The following PCDHGB3 variants were observed in gnomAD, a reference collection of about 807,000 sequenced individuals.
The protein encoded by PCDHGB3 is protocadherin gamma-B3.
A neutral mutation model predicts 59.2 loss-of-function variants in PCDHGB3; 40 were observed. That is an observed-to-expected ratio of 0.68 (90% CI 0.52 to 0.88). The LOEUF is 0.88. Among genes scored for constraint, PCDHGB3 ranks in the 40% least tolerant of loss-of-function variants. The pLI is 0.00. For synonymous variants in PCDHGB3, 581 were observed against 503.6 expected, an observed-to-expected ratio of 1.15 and a Z score of -2.06; for missense variants, 1,309 against 1,187.9, an observed-to-expected ratio of 1.10 and a Z score of -1.50.
intron 1 of PCDHGB3, chr5:141,388,297 T>C (rs2091308790): frequency 1.9e-6 from 3 of 1,613,660 alleles, no homozygotes; most frequent in African/African-American, 2.7e-5. Flanking sequence ...CAAAATTCCT[T>C]TGAGCTGCAA....
chr5:141,487,031 G>A lies in PCDHGB3; in HGVS notation c.2416-7776G>A, dbSNP rs749130369. 1.2e-6 allele frequency: 2 copies of A among 1,614,182 alleles called. No homozygotes were observed. Among genetic ancestry groups the A allele is most frequent in the Non-Finnish European group, 1.7e-6 (2 of 1,180,028 alleles). On this transcript the variant is annotated intron_variant, in intron 1 of 3. Coordinates refer to ENST00000576222, the MANE Select transcript of PCDHGB3 (RefSeq NM_018924.5). The surrounding 1 kb of genome is among the most constrained non-coding windows in gnomAD (Gnocchi z 5.0). ...GGAGGCCCCAGATCCCAGCCTGTTT[G>A]CAGTCTCTCGATATGCTGGGGAGGT...
chr5:141,476,801 C>A lies in PCDHGB3; in HGVS notation c.2416-18006C>A, dbSNP rs752954707. The A allele has an allele frequency of 5.8e-5, 94 of 1,613,468 alleles. No homozygotes were observed. The highest frequency in any genetic ancestry group is 7.9e-5 in the Non-Finnish European group (93 of 1,180,028). The stretch of plus-strand genomic sequence containing the variant: ...GACCCCAGCTCTCTCCGCCAGCCTG[C>A]CTATTCACATCAAGGTGCTGGACGC... On this transcript the variant is annotated intron_variant, in intron 1 of 3. Transcript: ENST00000576222. This position sits in a 1 kb window ranked among gnomAD's most constrained non-coding sequence, Gnocchi z 7.6.
chr5:141,419,894 C>T (rs1590201850), intron 1 of PCDHGB3: 2 of 1,613,926 alleles, frequency 1.2e-6, no homozygotes, highest in East Asian at 2.2e-5. Flanking sequence ...CAGCGACCAT[C>T]CCACACCCTC....
At chr5:141,422,470 T>G in intron 1 of PCDHGB3, 1 of 1,613,440 alleles carries the variant, frequency 6.2e-7, no homozygotes, top group South Asian at 1.1e-5. Flanking sequence ...GGACAGGGAG[T>G]TGGTCCAGAG....
intron 1 of PCDHGB3, among the ~76,000 whole-genome samples, chr5:141,429,602 C>T (rs548994907): frequency 1.1e-4 from 16 of 152,218 alleles, no homozygotes; most frequent in African/African-American, 3.6e-4. Flanking sequence ...TTCAAGTAAA[C>T]TCAATTTTAT....
rs978480877 is a variant in PCDHGB3, at chr5:141,417,841, G to A, written c.2415+45032G>A. ...CTCCAACTGGAAAAGCGGGGACCCAGCGAGAACCCGAGCGAACGATGGGAG... is the reference window on the plus strand; with the variant it reads ...CTCCAACTGGAAAAGCGGGGACCCAACGAGAACCCGAGCGAACGATGGGAG... On this transcript the variant is annotated intron_variant, in intron 1 of 3. Coordinates refer to ENST00000576222, the MANE Select transcript of PCDHGB3 (RefSeq NM_018924.5). 1.4e-5 allele frequency: 21 copies of A among 1,537,848 alleles called. No homozygotes were observed. In the African/African-American group the frequency reaches 2.6e-4, roughly 19 times the overall value.
At chr5:141,441,984 A>G (rs1202392318) in intron 1 of PCDHGB3, 4 of 275,400 alleles carry the variant, frequency 1.5e-5, no homozygotes, top group South Asian at 7.2e-5. Flanking sequence ...TGGAATGCGC[A>G]CCGACGAGGT....
chr5:141,449,588 C>CAAA (rs768743917), intron 1 of PCDHGB3, among the ~76,000 whole-genome samples: 1 of 57,476 alleles, frequency 1.7e-5, no homozygotes, highest in East Asian at 5.2e-4. Context: ...GACTCTGTCT[C>CAAA]AAAAAAAAAA....
intron 1 of PCDHGB3, chr5:141,415,791 CCTAGTCTCAA>C: frequency 2.2e-6 from 3 of 1,341,938 alleles, no homozygotes; most frequent in Non-Finnish European, 1.9e-6. Flanking sequence ...GTAAAATTCA[CCTAGTCTCAA>C]TCAAGGCCTA....
At chr5:141,426,764 T>C (rs1285434687) in intron 1 of PCDHGB3, 5 of 456,638 alleles carry the variant, frequency 1.1e-5, no homozygotes, top group Non-Finnish European at 2.2e-5. Flanking sequence ...TAGATGCAGA[T>C]GTAGGGCCTC....
At chr5:141,473,450 T>A (rs2099322542) in intron 1 of PCDHGB3, among the ~76,000 whole-genome samples, 2 of 152,150 alleles carry the variant, frequency 1.3e-5, no homozygotes, top group South Asian at 4.1e-4. Flanking sequence ...AAAATAATTA[T>A]AAAATTTAAA....
At chr5:141,459,137 G>C (rs1336232891) in intron 1 of PCDHGB3, among the ~76,000 whole-genome samples, 1 of 152,190 alleles carries the variant, frequency 6.6e-6, no homozygotes, top group Non-Finnish European at 1.5e-5. Context: ...TAACCACCAT[G>C]CAATCAAAAT....
intron 1 of PCDHGB3, chr5:141,478,117 C>G (rs1419172538): frequency 1.3e-5 from 21 of 1,614,058 alleles, no homozygotes; most frequent in Non-Finnish European, 1.7e-5. Context: ...TGTCAGTAAC[C>G]GAGGACTCTC....
intron 1 of PCDHGB3, among the ~76,000 whole-genome samples, chr5:141,445,720 G>T (rs2098475440): frequency 6.6e-6 from 1 of 152,158 alleles, no homozygotes; most frequent in Non-Finnish European, 1.5e-5. Flanking sequence ...AGAGGAAATA[G>T]CATGTGTAAA....
rs768510925 is a variant in PCDHGB3 at position 141,394,047 on chromosome 5, C to T, written c.2415+21238C>T. On this transcript the variant is annotated intron_variant, in intron 1 of 3. Coordinates refer to ENST00000576222, the MANE Select transcript of PCDHGB3 (RefSeq NM_018924.5). Reference sequence around the variant, plus strand: ...ATTAGTGACAAGGAAATATTTGGACCGAGAAAATGTCTCTATCTACAATAT... The same window carrying T: ...ATTAGTGACAAGGAAATATTTGGACTGAGAAAATGTCTCTATCTACAATAT... The T allele has an allele frequency of 5.6e-6, 9 of 1,613,438 alleles. No homozygotes were observed. The Admixed American group carries it at 1.5e-4, about 27-fold the overall frequency.
chr5:141,422,869 T>A, intron 1 of PCDHGB3: 2 of 1,614,202 alleles, frequency 1.2e-6, no homozygotes, highest in Non-Finnish European at 1.7e-6. Context: ...CAGCAACGTG[T>A]CGCTGAGCCT....
At chr5:141,509,153 C>G (rs2099875485) in intron 3 of PCDHGB3, among the ~76,000 whole-genome samples, 2 of 152,190 alleles carry the variant, frequency 1.3e-5, no homozygotes, top group Non-Finnish European at 2.9e-5. Context: ...CGGCTCTCCC[C>G]TCCCGTGTGC....
intron 1 of PCDHGB3, chr5:141,383,949 G>T (rs538018556): frequency 4.3e-6 from 7 of 1,613,584 alleles, no homozygotes; most frequent in Non-Finnish European, 5.9e-6. Context: ...TGACTATGAC[G>T]TCTTTAAGTA....
intron 1 of PCDHGB3, among the ~76,000 whole-genome samples, chr5:141,442,843 G>C (rs1264073611): frequency 2.0e-5 from 3 of 152,134 alleles, no homozygotes; most frequent in African/African-American, 7.2e-5. Flanking sequence ...GACAAATCTT[G>C]GCCATTGTAG....
Sources: allele counts gnomAD v4.1 joint callset (sites outside exome capture counted in the v4.1 genomes callset), GRCh38; gene constraint gnomAD v4.1.1; non-coding constraint Gnocchi (gnomAD v3.1); transcripts MANE v1.5; gene names NCBI Gene and HGNC (gene_info 2026-07-23, HGNC 2026-07-21).